The following CHST11 variants were observed in gnomAD, a reference collection of about 807,000 sequenced individuals.
The protein encoded by CHST11 is C4S-1.
In CHST11, 9 loss-of-function variants were observed where a neutral mutation model predicts 30.4. The observed-to-expected ratio is 0.30, with a 90% confidence interval of 0.18 to 0.52. CHST11 has a LOEUF of 0.52. Ranked by LOEUF, CHST11 falls within the 20% of genes least tolerant of loss-of-function variation. The pLI is 0.97. For synonymous variants in CHST11, 152 were observed against 187.8 expected, an observed-to-expected ratio of 0.81 and a Z score of 1.56; for missense variants, 348 against 460.6, an observed-to-expected ratio of 0.76 and a Z score of 2.24.
chr12:104,738,980 G>A (rs1273073545), intron 2 of CHST11, among the ~76,000 whole-genome samples: 5 of 152,364 alleles, frequency 3.3e-5, no homozygotes, highest in Middle Eastern at 3.4e-3. Context: ...TCCTGAAGAC[G>A]GAGGACCAGG....
intron 1 of CHST11, among the ~76,000 whole-genome samples, chr12:104,570,754 GAT>G (rs899509003): frequency 6.7e-6 from 1 of 150,326 alleles, no homozygotes; most frequent in East Asian, 1.9e-4. Context: ...GCAGTGGCGT[GAT>G]CTCTGCTCAC....
chr12:104,723,160 A>G (rs1230795638), intron 2 of CHST11, among the ~76,000 whole-genome samples: 2 of 152,098 alleles, frequency 1.3e-5, no homozygotes, highest in East Asian at 3.9e-4. Flanking sequence ...AGTCAGCAGT[A>G]TTAACAACAA....
chr12:104,703,332 C>T (rs2040006023), intron 2 of CHST11, among the ~76,000 whole-genome samples: 1 of 152,218 alleles, frequency 6.6e-6, no homozygotes, highest in Non-Finnish European at 1.5e-5. Context: ...TTTGACAGGT[C>T]TGAAACAGCT....
intron 1 of CHST11, among the ~76,000 whole-genome samples, chr12:104,460,113 A>G (rs1389296708): frequency 6.6e-6 from 1 of 152,182 alleles, no homozygotes; most frequent in Non-Finnish European, 1.5e-5. Flanking sequence ...TTAAAAGTTA[A>G]AGATCCTTGC....
intron 2 of CHST11, among the ~76,000 whole-genome samples, chr12:104,724,670 C>A (rs774989152): frequency 2.5e-4 from 38 of 152,106 alleles, no homozygotes; most frequent in Admixed American, 1.8e-3. Flanking sequence ...GCTCCTTGCC[C>A]AGAACAGTTG....
rs1053347150 is a variant in CHST11 at position 104,458,131 on chromosome 12, C to T, written c.118+602C>T. Among the ~76,000 whole-genome samples, 2 of 151,888 alleles carry T rather than the reference C, an allele frequency of 1.3e-5. No homozygotes were observed. Among genetic ancestry groups the T allele is most frequent in the African/African-American group, 4.8e-5 (2 of 41,360 alleles). On this transcript the variant is annotated intron_variant, in intron 1 of 2. Transcript: ENST00000303694. The surrounding 1 kb of genome is among the most constrained non-coding windows in gnomAD (Gnocchi z 5.7). The stretch of plus-strand genomic sequence containing the variant: ...GAGCTGAGCAGGTGTGGAGAGTGGT[C>T]GGGTGCCCAGCGTTGCCCCTCCACC...
intron 2 of CHST11, among the ~76,000 whole-genome samples, chr12:104,642,970 G>A (rs1378432305): frequency 1.9e-4 from 29 of 151,956 alleles, no homozygotes; most frequent in Admixed American, 1.9e-3. Context: ...GGAACACATT[G>A]TCATACCAAT....
intron 1 of CHST11, among the ~76,000 whole-genome samples, chr12:104,540,546 G>A (rs1399494302): frequency 2.6e-5 from 4 of 152,042 alleles, no homozygotes; most frequent in African/African-American, 7.3e-5. Context: ...GAGCTATTGG[G>A]CCACAAGGGC....
intron 1 of CHST11, among the ~76,000 whole-genome samples, chr12:104,462,186 G>GAAAAA (rs1343420821): frequency 1.9e-5 from 2 of 106,694 alleles, no homozygotes; most frequent in Non-Finnish European, 3.8e-5. Context: ...AAAAAAAAAA[G>GAAAAA]AAAAAGAAAA....
rs703676 is a variant in CHST11 at position 104,676,554 on chromosome 12, G to A, written c.204+74563G>A. ...CCCAGCCTCCCAAGTAGCCGGGACT[G>A]CAGACATGTGCCACCACGCCTGGCT... On this transcript the variant is annotated intron_variant, in intron 2 of 2. Transcript: ENST00000303694. This position sits in a 1 kb window ranked among gnomAD's most constrained non-coding sequence, Gnocchi z 4.4. Among the ~76,000 whole-genome samples, 38,655 of 152,132 alleles carry A rather than the reference G, an allele frequency of 0.25. 7,091 individuals are homozygous for A. The highest frequency in any genetic ancestry group is 0.52 in the African/African-American group (21,538 of 41,470).
At chr12:104,678,475 A>G (rs928429815) in intron 2 of CHST11, among the ~76,000 whole-genome samples, 1 of 152,216 alleles carries the variant, frequency 6.6e-6, no homozygotes, top group Non-Finnish European at 1.5e-5. Context: ...CCTGTTCTAA[A>G]TGTTTTGCAT....
At chr12:104,645,353 C>T (rs2039417295) in intron 2 of CHST11, among the ~76,000 whole-genome samples, 1 of 152,216 alleles carries the variant, frequency 6.6e-6, no homozygotes, top group African/African-American at 2.4e-5. Flanking sequence ...TTCTCATCCC[C>T]ACCATACAGG....
chr12:104,730,576 T>C (rs1173662271), intron 2 of CHST11, among the ~76,000 whole-genome samples: 1 of 151,936 alleles, frequency 6.6e-6, no homozygotes, highest in African/African-American at 2.4e-5. Context: ...TGGCACAAAG[T>C]GTGGCGTGGC....
chr12:104,658,736 A>G (rs1592822014), intron 2 of CHST11, among the ~76,000 whole-genome samples: 1 of 152,208 alleles, frequency 6.6e-6, no homozygotes, highest in East Asian at 1.9e-4. Context: ...TGTTCGCTCC[A>G]TAATAATGAT....
intron 1 of CHST11, among the ~76,000 whole-genome samples, chr12:104,491,389 T>A (rs1007431401): frequency 5.9e-5 from 9 of 152,212 alleles, no homozygotes; most frequent in African/African-American, 1.9e-4. Context: ...TGATCTATTC[T>A]TTATGTAGCA....
Position 104,457,536 on chromosome 12 carries a change from G to T in CHST11, c.118+7G>T. 1 of 1,583,950 alleles carries T rather than the reference G, an allele frequency of 6.3e-7. No individual in the cohort carries two copies. On this transcript the variant is annotated splice_region_variant and intron_variant, in intron 1 of 2. Transcript: ENST00000303694. ...CAAAGTATGTTGCACCCAGGTAGGG[G>T]GCGCGTTAGCGTGGTTTTGTTGGAT...
chr12:104,706,041 G>T (rs1456756460), intron 2 of CHST11, among the ~76,000 whole-genome samples: 1 of 152,118 alleles, frequency 6.6e-6, no homozygotes, highest in Non-Finnish European at 1.5e-5. Context: ...AGCTGTGATT[G>T]CACCACTGCA....
chr12:104,708,266 T>G (rs2040054303), intron 2 of CHST11, among the ~76,000 whole-genome samples: 1 of 152,202 alleles, frequency 6.6e-6, no homozygotes, highest in South Asian at 2.1e-4. Context: ...CAGGTTACTT[T>G]ATTTCACAGA....
At chr12:104,602,022 A>T (rs770306389) in intron 2 of CHST11, 31 bp downstream of exon 2, 9 of 1,204,694 alleles carry the variant, frequency 7.5e-6, no homozygotes, top group East Asian at 2.7e-5. Flanking sequence ...CAGCATGTGA[A>T]TTTTTTTTTT....
Sources: gnomAD v4.1 joint callset for allele counts (sites outside exome capture counted in the v4.1 genomes callset) on GRCh38, gnomAD v4.1.1 for gene constraint, Gnocchi (gnomAD v3.1) non-coding constraint, MANE v1.5 for transcripts, NCBI Gene and HGNC (gene_info 2026-07-23, HGNC 2026-07-21) for gene names.